The following FRYL variants were observed in gnomAD, a reference collection of about 807,000 sequenced individuals.
The protein encoded by FRYL is protein furry homolog-like.
In FRYL, 150 loss-of-function variants were observed where a neutral mutation model predicts 351.2. The observed-to-expected ratio is 0.43, with a 90% CI of 0.37 to 0.49. FRYL has a LOEUF of 0.49. Ranked by LOEUF, FRYL falls within the 20% of genes least tolerant of loss-of-function variation. The probability of loss-of-function intolerance (pLI) is 0.00; values close to 1 mark genes in which losing one functional copy is unlikely to be tolerated. For missense variants in FRYL, 3,036 were observed against 3,619.3 expected, an observed-to-expected ratio of 0.84 and a Z score of 4.13; for synonymous variants, 1,153 against 1,257.1, an observed-to-expected ratio of 0.92 and a Z score of 1.75.
At chr4:48,761,766 T>A (rs1204210568) in intron 1 of FRYL, among the ~76,000 whole-genome samples, 1 of 152,060 alleles carries the variant, frequency 6.6e-6, no homozygotes, top group Non-Finnish European at 1.5e-5. Context: ...GGTGTAAAGG[T>A]TTGTAGCCTA....
intron 60 of FRYL, among the ~76,000 whole-genome samples, chr4:48,504,774 C>T (rs1232539960): frequency 3.3e-5 from 5 of 152,120 alleles, no homozygotes; most frequent in Non-Finnish European, 7.4e-5. Context: ...AAATAGTTAA[C>T]ACTTAGCGAG....
chr4:48,531,022 G>A, intron 50 of FRYL, 134 bp downstream of exon 50: 1 of 634,504 alleles, frequency 1.6e-6, no homozygotes. Flanking sequence ...ATCCCCACTT[G>A]GTTGTTCATA....
At chr4:48,510,634 G>C (rs1455776963) in intron 58 of FRYL, among the ~76,000 whole-genome samples, 2 of 152,126 alleles carry the variant, frequency 1.3e-5, no homozygotes, top group African/African-American at 2.4e-5. Flanking sequence ...TAGAGGGTAA[G>C]GGCATGAAGG....
chr4:48,604,013 C>G (rs1213146662), intron 11 of FRYL, among the ~76,000 whole-genome samples: 1 of 152,206 alleles, frequency 6.6e-6, no homozygotes, highest in African/African-American at 2.4e-5. Context: ...TCCCTCACCC[C>G]TTTGGCAATC....
chr4:48,592,109 TATATA>T (rs1743503058), intron 16 of FRYL, among the ~76,000 whole-genome samples: 5 of 110,086 alleles, frequency 4.5e-5, no homozygotes, highest in South Asian at 2.8e-4. Context: ...TATATATATA[TATATA>T]TTTTATCTAA....
At position 48,556,343 on chromosome 4, in the gene FRYL, A is replaced by G. The variant is rs73814794; in HGVS notation, c.4266+635T>C. On this transcript the variant is annotated intron_variant, in intron 35 of 63. Transcript: ENST00000358350. ...TTTAACCCTCAGGTTTCATAGTTTC[A>G]TATCAAATGTGTCCTCTTGACTTGG... is the stretch of plus-strand genomic sequence containing the variant. Among the ~76,000 whole-genome samples the G allele has an allele frequency of 2.7e-3, 414 of 152,292 alleles. 1 individual carries two copies. Among genetic ancestry groups the G allele is most frequent in the African/African-American group, 9.5e-3 (396 of 41,552 alleles).
intron 4 of FRYL, among the ~76,000 whole-genome samples, chr4:48,627,634 T>TAAAAACAG (rs1166809448): frequency 6.6e-6 from 1 of 152,024 alleles, no homozygotes; most frequent in Admixed American, 6.6e-5. Flanking sequence ...AATAAATAAA[T>TAAAAACAG]AAAAACAGAA....
rs1335998188 is a variant in FRYL at position 48,500,114 on chromosome 4, G to A, written c.8699C>T (p.Thr2900Ile). Residue 2900 changes from threonine (T) to isoleucine (I), a missense_variant, in exon 63 of 64, where the codon ACT becomes ATT. By Grantham distance (89) the Thr-to-Ile change is moderately conservative. Transcript: ENST00000358350. The stretch of plus-strand genomic sequence containing the variant: ...TAAAGAATGAATGGCAGTTTCTATA[G>A]TAGTTTGTGCAGCTTTGGAAATGTC... Reference protein sequence around the residue: ...EIDISKAAQTTIETAIHSLIE... With the variant: ...EIDISKAAQTIIETAIHSLIE... 1 of 1,600,594 alleles carries A rather than the reference G, an allele frequency of 6.2e-7. No homozygotes were observed.
At chr4:48,707,804 A>G (rs1767530541) in intron 2 of FRYL, among the ~76,000 whole-genome samples, 1 of 151,892 alleles carries the variant, frequency 6.6e-6, no homozygotes, top group Non-Finnish European at 1.5e-5. Flanking sequence ...ATTTGTTTCA[A>G]AAAGTATCTG....
In FRYL at chr4:48,522,959, T is replaced by A; in HGVS notation, c.7463A>T (p.Glu2488Val). Residue 2488 changes from glutamate to valine, a missense_variant, in exon 54 of 64, where the codon GAG becomes GTG. Coordinates refer to ENST00000358350, the MANE Select transcript of FRYL (RefSeq NM_015030.2). ...LNLTNQEDTD[E>V]SSEEEAALTA... ...AAGTGCCGCTTCTTCTTCCGAGGACTCATCTGTATCCTCCTGATTGGTGAG... is the reference window on the plus strand; with the variant it reads ...AAGTGCCGCTTCTTCTTCCGAGGACACATCTGTATCCTCCTGATTGGTGAG... The A allele has an allele frequency of 6.2e-7, 1 of 1,613,980 alleles. No homozygotes were observed. The highest frequency in any genetic ancestry group is 8.5e-7 in the Non-Finnish European group (1 of 1,179,866).
chr4:48,700,533 T>A (rs919954882), intron 2 of FRYL, among the ~76,000 whole-genome samples: 9 of 152,104 alleles, frequency 5.9e-5, no homozygotes, highest in Non-Finnish European at 1.0e-4. Context: ...CTAGACACAG[T>A]GGTCACGCCT....
chr4:48,547,648 C>T lies in FRYL; in HGVS notation c.5010G>A (p.Lys1670=). Residue 1670 remains lysine, a synonymous_variant, in exon 41 of 64, where the codon AAG becomes AAA. Transcript: ENST00000358350. ...RTVASVLLRN[K]EFNEPRVLTV... is the part of the protein sequence containing the mutation. ...TAAGCACCCTGGGCTCATTAAACTC[C>T]TTGTTCCTGAGAAGGACAGAAGCAA... 2.5e-6 allele frequency: 4 copies of T among 1,607,448 alleles called. No homozygotes were observed. The highest frequency in any genetic ancestry group is 3.4e-6 in the Non-Finnish European group (4 of 1,175,438).
intron 3 of FRYL, among the ~76,000 whole-genome samples, chr4:48,664,797 A>G (rs527354020): frequency 6.6e-6 from 1 of 152,350 alleles, no homozygotes; most frequent in East Asian, 1.9e-4. Flanking sequence ...AGCAGTAAAG[A>G]GACAATAATT....
At position 48,534,629 on chromosome 4, in the gene FRYL, A is replaced by C; in HGVS notation, c.6621T>G (p.Ser2207Arg). 6.3e-7 allele frequency: 1 copy of C among 1,595,790 alleles called. No homozygotes were observed. The highest frequency in any genetic ancestry group is 8.6e-7 in the Non-Finnish European group (1 of 1,163,622). ...CAGACAGGTCAATATGACTCAATAG[A>C]CTATAAATAATCTGTAGTAATGATT... ...MQQSLLQIIY[S>R]LLSHIDLSAA... The change falls in exon 49 of 64, where the codon AGT (serine) becomes AGG (arginine). Residue 2207 changes from serine to arginine, a missense_variant. This residue lies in a region of FRYL where 1,987 missense variants were observed against 2,311.7 expected (regional missense o/e 0.86). Transcript: ENST00000358350.
intron 16 of FRYL, 107 bp from the exon 17 acceptor site, chr4:48,590,937 G>C (rs1743110411): frequency 3.8e-5 from 29 of 757,762 alleles, no homozygotes; most frequent in Non-Finnish European, 5.5e-5. Flanking sequence ...GTGGAAGGAA[G>C]GAAGATAGAA....
intron 3 of FRYL, among the ~76,000 whole-genome samples, chr4:48,662,765 G>GAAAAA (rs57746767): frequency 1.5e-5 from 2 of 131,630 alleles, no homozygotes; most frequent in Non-Finnish European, 3.2e-5. Flanking sequence ...ATCTCCTGAA[G>GAAAAA]AAAAAAAAAA....
chr4:48,767,043 T>C (rs992322594), intron 1 of FRYL, among the ~76,000 whole-genome samples: 4 of 148,818 alleles, frequency 2.7e-5, no homozygotes, highest in African/African-American at 9.8e-5. Flanking sequence ...TTGTATTATA[T>C]AATAAATATA....
chr4:48,557,376 C>T (rs1734361358), intron 34 of FRYL, 77 bp downstream of exon 34: 3 of 1,534,312 alleles, frequency 2.0e-6, no homozygotes, highest in Non-Finnish European at 2.7e-6. Context: ...GATTATGGAA[C>T]CTCTTCATCT....
intron 2 of FRYL, among the ~76,000 whole-genome samples, chr4:48,687,995 A>C (rs1173845455): frequency 6.6e-6 from 1 of 152,198 alleles, no homozygotes; most frequent in African/African-American, 2.4e-5. Context: ...AATGTTATAA[A>C]AGGGATTATG....
Sources: allele counts gnomAD v4.1 joint callset (sites outside exome capture counted in the v4.1 genomes callset), GRCh38; gene constraint gnomAD v4.1.1; regional missense constraint gnomAD v4.1.1; transcripts MANE v1.5; gene names NCBI Gene and HGNC (gene_info 2026-07-23, HGNC 2026-07-21).